The following H6PD variants were observed in gnomAD, a reference collection of about 807,000 sequenced individuals.
The protein encoded by H6PD is GDH/6PGL endoplasmic bifunctional protein.
Under a neutral mutation model 61.2 loss-of-function variants are expected in H6PD, and 48 were observed. That is an observed-to-expected ratio of 0.78 (90% CI 0.62 to 1.00). The LOEUF is 1.00. Among genes scored for constraint, H6PD ranks in the 50% least tolerant of loss-of-function variants. H6PD has a pLI of 0.00. For missense variants in H6PD, 1,093 were observed against 1,065.0 expected, an observed-to-expected ratio of 1.03 and a Z score of -0.37; for synonymous variants, 480 against 457.9, an observed-to-expected ratio of 1.05 and a Z score of -0.62.
intron 3 of H6PD, among the ~76,000 whole-genome samples, chr1:9,247,337 C>T (rs1268823748): frequency 3.9e-5 from 6 of 152,148 alleles, no homozygotes; most frequent in East Asian, 1.9e-4. Context: ...CACTGGCACG[C>T]GGTAGAGGCT....
At chr1:9,259,137 G>A (rs181038246) in intron 3 of H6PD, among the ~76,000 whole-genome samples, 2,177 of 152,254 alleles carry the variant, frequency 0.014, 54 homozygotes, top group African/African-American at 0.049. Context: ...GACTACAGGC[G>A]CCCGCCACCA....
In H6PD at chr1:9,262,211, C is replaced by T. The variant is rs1446704876; in HGVS notation, c.898C>T (p.Leu300=). Residue 300 remains leucine, a synonymous_variant, in exon 4 of 5, where the codon CTG becomes TTG. Transcript: ENST00000377403. Reference sequence around the variant, plus strand: ...GCACAAGCTTCAGGTCTTCCAGGCGCTGCGGGGCCTGCAGAGGGGCAGTGC... The same window carrying T: ...GCACAAGCTTCAGGTCTTCCAGGCGTTGCGGGGCCTGCAGAGGGGCAGTGC... ...LRHKLQVFQA[L]RGLQRGSAVV... 6.2e-7 allele frequency: 1 copy of T among 1,614,096 alleles called. No homozygotes were observed. Among genetic ancestry groups the T allele is most frequent in the Non-Finnish European group, 8.5e-7 (1 of 1,179,966 alleles).
At chr1:9,262,723 C>T (rs1336176679) in intron 4 of H6PD, among the ~76,000 whole-genome samples, 2 of 152,230 alleles carry the variant, frequency 1.3e-5, no homozygotes, top group Non-Finnish European at 2.9e-5. Context: ...CAGGGCTGTC[C>T]TCTGGGCAGT....
intron 3 of H6PD, among the ~76,000 whole-genome samples, chr1:9,250,484 C>A (rs1276035780): frequency 6.7e-6 from 1 of 150,012 alleles, no homozygotes; most frequent in Non-Finnish European, 1.5e-5. Flanking sequence ...CATTCTCCCC[C>A]ACTCCCCACC....
At chr1:9,259,775 G>C (rs912057695) in intron 3 of H6PD, among the ~76,000 whole-genome samples, 1 of 151,884 alleles carries the variant, frequency 6.6e-6, no homozygotes, top group African/African-American at 2.4e-5. Context: ...GTGTTACATT[G>C]TTGTTACACC....
At chr1:9,246,865 C>G in intron 2 of H6PD, 101 bp from the exon 3 acceptor site, 1 of 840,032 alleles carries the variant, frequency 1.2e-6, no homozygotes, top group Non-Finnish European at 2.1e-6. Context: ...ATCTTCTGCT[C>G]TGAGCAGGGA....
chr1:9,258,248 GGTGTTGTTACATCA>G (rs1303261059), intron 3 of H6PD, among the ~76,000 whole-genome samples: 3 of 151,786 alleles, frequency 2.0e-5, no homozygotes, highest in African/African-American at 7.3e-5. Flanking sequence ...GTGTTATGTT[GGTGTTGTTACATCA>G]GTGTTGTTAC....
chr1:9,253,897 A>G (rs999521772), intron 3 of H6PD, among the ~76,000 whole-genome samples: 1 of 152,214 alleles, frequency 6.6e-6, no homozygotes, highest in Non-Finnish European at 1.5e-5. Flanking sequence ...AGTCTTTATC[A>G]GTGTTTCCTG....
intron 4 of H6PD, 143 bp downstream of exon 4, chr1:9,262,471 CCT>C (rs1262811722): frequency 4.6e-5 from 37 of 799,138 alleles, no homozygotes; most frequent in Non-Finnish European, 7.4e-5. Flanking sequence ...ATGGCATTCC[CCT>C]GTCTCCCTGG....
intron 3 of H6PD, among the ~76,000 whole-genome samples, chr1:9,247,770 C>G (rs1417426854): frequency 6.6e-6 from 1 of 152,204 alleles, no homozygotes; most frequent in Non-Finnish European, 1.5e-5. Flanking sequence ...GCTGGGTGGC[C>G]TCAGCATGTC....
chr1:9,239,217 T>C (rs1008675439), intron 1 of H6PD, among the ~76,000 whole-genome samples: 2 of 152,108 alleles, frequency 1.3e-5, no homozygotes, highest in African/African-American at 4.8e-5. Context: ...CAGCTAACTT[T>C]TGTATTTTTA....
At chr1:9,263,479 G>A in intron 4 of H6PD, 30 bp from the exon 5 acceptor site, 1 of 1,611,044 alleles carries the variant, frequency 6.2e-7, no homozygotes, top group Non-Finnish European at 8.5e-7. Context: ...CTGTGCCAGA[G>A]AGTCACCCTC....
chr1:9,246,952 T>TC lies in H6PD; in HGVS notation c.628-6dup, dbSNP rs201586222. The TC allele has an allele frequency of 7.7e-4, 1,199 of 1,554,916 alleles. No individual in the cohort carries two copies. The highest frequency in any genetic ancestry group is 1.3e-3 in the Middle Eastern group (8 of 5,950). On this transcript the variant is annotated splice_polypyrimidine_tract_variant and intron_variant, in intron 2 of 4. Transcript: ENST00000377403. The stretch of plus-strand genomic sequence containing the variant: ...GAGTATCCTGCAGCACGCCCAGTCT[T>TC]CCCCCCCCGACAGGCTGTGGCGCAG...
intron 3 of H6PD, among the ~76,000 whole-genome samples, chr1:9,258,244 TGTTGGTGTTGTTACATCAGTGTTGTTAC>T (rs1357147423): frequency 1.3e-5 from 2 of 152,040 alleles, no homozygotes; most frequent in African/African-American, 2.4e-5. Flanking sequence ...GGTGGTGTTA[TGTTGGTGTTGTTACATCAGTGTTGTTAC>T]GTTGCTGTTG....
At chr1:9,246,774 C>A (rs1641187309) in intron 2 of H6PD, among the ~76,000 whole-genome samples, 192 bp from the exon 3 acceptor site, 2 of 152,086 alleles carry the variant, frequency 1.3e-5, no homozygotes, top group Admixed American at 6.6e-5. Context: ...AATCTGGTAA[C>A]CCTTTGGAGG....
intron 4 of H6PD, among the ~76,000 whole-genome samples, chr1:9,263,050 C>G (rs1638384724): frequency 6.6e-6 from 1 of 152,150 alleles, no homozygotes; most frequent in African/African-American, 2.4e-5. Context: ...TGCTTGGTGA[C>G]TCTCTCCTCA....
chr1:9,262,438 C>T (rs1315538503), intron 4 of H6PD, 110 bp downstream of exon 4: 2 of 1,049,172 alleles, frequency 1.9e-6, no homozygotes, highest in Non-Finnish European at 2.8e-6. Context: ...GTGGGATTTC[C>T]CCCAGGGTGC....
chr1:9,257,302 T>A (rs75088247), intron 3 of H6PD, among the ~76,000 whole-genome samples: 73 of 151,864 alleles, frequency 4.8e-4, no homozygotes, highest in Middle Eastern at 3.4e-3. Flanking sequence ...TTTTTTTTTT[T>A]AATTTTTTGT....
At position 9,254,636 on chromosome 1, in the gene H6PD, A is replaced by G. The variant is rs1405857427; in HGVS notation, c.746-7423A>G. ...CATCTTGGAGGTCGCAGACAGCTTCATCTTCCTGAAGTACCTCTTTCGTGC... is the reference window on the plus strand; with the variant it reads ...CATCTTGGAGGTCGCAGACAGCTTCGTCTTCCTGAAGTACCTCTTTCGTGC... On this transcript the variant is annotated intron_variant, in intron 3 of 4. Transcript: ENST00000377403. The surrounding 1 kb of genome is among the most constrained non-coding windows in gnomAD (Gnocchi z 4.6). Among the ~76,000 whole-genome samples the G allele has an allele frequency of 2.6e-5, 4 of 152,226 alleles. 1 individual carries two copies. Among genetic ancestry groups the G allele is most frequent in the South Asian group, 4.2e-4 (2 of 4,804 alleles).
Sources: gnomAD v4.1 joint callset for allele counts (sites outside exome capture counted in the v4.1 genomes callset) on GRCh38, gnomAD v4.1.1 for gene constraint, Gnocchi (gnomAD v3.1) non-coding constraint, MANE v1.5 for transcripts, NCBI Gene and HGNC (gene_info 2026-07-23, HGNC 2026-07-21) for gene names.